Variants in NCAM1 observed in about 807,000 individuals in gnomAD.
The protein encoded by NCAM1 is neural cell adhesion molecule 1.
In NCAM1, 14 loss-of-function variants were observed where a neutral mutation model predicts 109.8. That is an observed-to-expected ratio of 0.13 (90% confidence interval 0.08 to 0.20). The LOEUF (loss-of-function observed/expected upper bound fraction) is 0.20, where lower values mean the gene tolerates loss of function less well. Ranked by LOEUF, NCAM1 falls within the 10% of genes least tolerant of loss-of-function variation. NCAM1 has a pLI of 1.00. For synonymous variants in NCAM1, 418 were observed against 442.9 expected (o/e 0.94, Z 0.70); for missense variants, 774 against 1,109.9 (o/e 0.70, Z 4.30).
chr11:113,070,865 C>G (rs1938231163), intron 1 of NCAM1, among the ~76,000 whole-genome samples: 1 of 152,168 alleles, frequency 6.6e-6, no homozygotes, highest in Non-Finnish European at 1.5e-5. Context: ...AGGGAGCTGA[C>G]TGGATGCCTC....
chr11:113,155,699 A>G (rs1555103354), intron 1 of NCAM1, among the ~76,000 whole-genome samples: 40 of 152,048 alleles, frequency 2.6e-4, no homozygotes, highest in Non-Finnish European at 1.5e-5. Context: ...TTAGTTGCCC[A>G]GTTATATGTC....
chr11:113,030,848 A>T (rs1555078227), intron 1 of NCAM1, among the ~76,000 whole-genome samples: 1 of 152,208 alleles, frequency 6.6e-6, no homozygotes, highest in African/African-American at 2.4e-5. Flanking sequence ...TATGCAGCTG[A>T]AGTTTGTAAA....
At chr11:113,181,833 A>G (rs1027370062) in intron 1 of NCAM1, among the ~76,000 whole-genome samples, 4 of 152,156 alleles carry the variant, frequency 2.6e-5, no homozygotes, top group Non-Finnish European at 5.9e-5. Context: ...GGATTAGATT[A>G]AGGAACCCCA....
intron 1 of NCAM1, among the ~76,000 whole-genome samples, chr11:113,164,267 A>G (rs1942704469): frequency 6.6e-6 from 1 of 152,112 alleles, no homozygotes; most frequent in Admixed American, 6.6e-5. Context: ...CAATACCCAT[A>G]CTCACTTCTA....
chr11:112,978,173 A>G (rs1304772879), intron 1 of NCAM1, among the ~76,000 whole-genome samples: 9 of 151,816 alleles, frequency 5.9e-5, no homozygotes, highest in African/African-American at 2.2e-4. Flanking sequence ...GAAAAGAGGT[A>G]GAATGAAATT....
At chr11:113,131,839 C>T (rs1555098364) in intron 1 of NCAM1, among the ~76,000 whole-genome samples, 1 of 152,210 alleles carries the variant, frequency 6.6e-6, no homozygotes, top group Non-Finnish European at 1.5e-5. Context: ...AACCCAGCCA[C>T]GTGGTTATGG....
chr11:113,204,227 G>A, intron 2 of NCAM1, 59 bp from the exon 3 acceptor site: 1 of 1,402,558 alleles, frequency 7.1e-7, no homozygotes. Context: ...TGTCAGTCTG[G>A]AGGGGACTTA....
chr11:113,124,634 T>A (rs1941104560), intron 1 of NCAM1, among the ~76,000 whole-genome samples: 1 of 152,232 alleles, frequency 6.6e-6, no homozygotes, highest in Non-Finnish European at 1.5e-5. Context: ...TAGCTCCTGA[T>A]GATAACTATT....
At position 112,962,137 on chromosome 11, in the gene NCAM1, A is replaced by T. The variant is rs1293547391; in HGVS notation, c.52+473A>T. Among the ~76,000 whole-genome samples, 9 of 152,130 alleles carry T rather than the reference A, an allele frequency of 5.9e-5. No individual in the cohort carries two copies. Among genetic ancestry groups the T allele is most frequent in the African/African-American group, 2.2e-4 (9 of 41,430 alleles). ...AATAAGGCTAGGGCAGCCGCCCCAGATCGTTATATTCCTGGGTCTAATAAA... is the reference window on the plus strand; with the variant it reads ...AATAAGGCTAGGGCAGCCGCCCCAGTTCGTTATATTCCTGGGTCTAATAAA... On this transcript the variant is annotated intron_variant, in intron 1 of 19. Coordinates refer to ENST00000316851, the MANE Select transcript of NCAM1 (RefSeq NM_181351.5). The surrounding 1 kb of genome is among the most constrained non-coding windows in gnomAD (Gnocchi z 5.6).
At chr11:112,985,154 G>T (rs184332649) in intron 1 of NCAM1, among the ~76,000 whole-genome samples, 4 of 151,302 alleles carry the variant, frequency 2.6e-5, no homozygotes, top group Admixed American at 2.0e-4. Context: ...TGGTGCCCTT[G>T]TTGAAAATTA....
At chr11:113,062,947 AAC>A (rs1555083660) in intron 1 of NCAM1, among the ~76,000 whole-genome samples, 1 of 152,138 alleles carries the variant, frequency 6.6e-6, no homozygotes, top group African/African-American at 2.4e-5. Flanking sequence ...CAGCCTGGGC[AAC>A]AGAGTGAGAT....
chr11:113,158,113 A>G (rs1942479309), intron 1 of NCAM1, among the ~76,000 whole-genome samples: 1 of 152,346 alleles, frequency 6.6e-6, no homozygotes, highest in African/African-American at 2.4e-5. Context: ...TAAAAATTGT[A>G]TACATTGGTA....
intron 1 of NCAM1, among the ~76,000 whole-genome samples, chr11:113,156,930 A>G (rs1942428290): frequency 6.6e-6 from 1 of 152,148 alleles, no homozygotes; most frequent in Non-Finnish European, 1.5e-5. Context: ...GGAATGGAAA[A>G]GGTACTCGTT....
In NCAM1 at chr11:113,246,496, A is replaced by T. The variant is rs1425159498; in HGVS notation, c.1828+126A>T. The T allele has an allele frequency of 4.5e-6, 3 of 662,598 alleles. No homozygotes were observed. In the African/African-American group the frequency reaches 5.3e-5, roughly 12 times the overall value. The allele number at this position is 662,598 out of a possible 1,614,324, so 41.0% of individuals were successfully genotyped here. The stretch of plus-strand genomic sequence containing the variant: ...ATTTGAGAGATTTCCTCTTGTTCTC[A>T]ATTCACATCCAGAATTCATCATTCC... On this transcript the variant is annotated intron_variant, in intron 15 of 19. Coordinates refer to ENST00000316851, the MANE Select transcript of NCAM1 (RefSeq NM_181351.5).
chr11:113,120,693 A>G (rs1045625366), intron 1 of NCAM1, among the ~76,000 whole-genome samples: 1 of 152,216 alleles, frequency 6.6e-6, no homozygotes, highest in Non-Finnish European at 1.5e-5. Context: ...ACACCCTTGT[A>G]ACAAAAGACA....
At chr11:113,154,597 T>C (rs1591371678) in intron 1 of NCAM1, among the ~76,000 whole-genome samples, 1 of 152,136 alleles carries the variant, frequency 6.6e-6, no homozygotes, top group East Asian at 1.9e-4. Context: ...TACACACATA[T>C]CCATATTCAT....
intron 1 of NCAM1, chr11:113,003,950 G>C (rs1338348045): frequency 6.6e-6 from 1 of 152,172 alleles, no homozygotes; most frequent in East Asian, 1.9e-4. Context: ...TTCTTCACCA[G>C]GTGGTTTCAC....
chr11:113,195,910 G>GGTGTGT (rs58873545), intron 1 of NCAM1, among the ~76,000 whole-genome samples: 18,861 of 148,374 alleles, frequency 0.13, 1,220 homozygotes, highest in East Asian at 0.16. Context: ...TTGTTTGCAG[G>GGTGTGT]GTGTGTGTGT....
chr11:113,244,143 A>T (rs1945429050), intron 14 of NCAM1, among the ~76,000 whole-genome samples: 1 of 151,886 alleles, frequency 6.6e-6, no homozygotes, highest in Non-Finnish European at 1.5e-5. Context: ...TCCTTTTTCA[A>T]CCTGGTGCAA....
Sources: allele counts gnomAD v4.1 joint callset (sites outside exome capture counted in the v4.1 genomes callset), GRCh38; gene constraint gnomAD v4.1.1; non-coding constraint Gnocchi (gnomAD v3.1); transcripts MANE v1.5; gene names NCBI Gene and HGNC (gene_info 2026-07-23, HGNC 2026-07-21).